ZDHHC3: variants seen among roughly 807,000 people sequenced by gnomAD.
ZDHHC3 encodes the protein zDHHC palmitoyltransferase 3.
A neutral mutation model predicts 30.6 loss-of-function variants in ZDHHC3; 9 were observed. That is an observed-to-expected ratio of 0.29 (90% CI 0.18 to 0.51). The LOEUF (loss-of-function observed/expected upper bound fraction) is 0.51. Ranked by LOEUF, ZDHHC3 falls within the 20% of genes least tolerant of loss-of-function variation. ZDHHC3 has a pLI of 0.97. For missense variants in ZDHHC3, 246 were observed against 384.2 expected, an observed-to-expected ratio of 0.64 and a Z score of 3.01; for synonymous variants, 136 against 140.2, an observed-to-expected ratio of 0.97 and a Z score of 0.21.
Position 44,922,001 on chromosome 3 carries a change from C to T in ZDHHC3, c.*4688G>A. On this transcript the variant is annotated 3_prime_UTR_variant, in exon 7 of 7. Coordinates refer to ENST00000424952, the MANE Select transcript of ZDHHC3 (RefSeq NM_001135179.2). ...CTGTGGGCCCAACAGAGCGGGATCC[C>T]TGGGGGCCACTCTGCTTTGCTACGG... The T allele has an allele frequency of 2.0e-6, 2 of 985,420 alleles. No homozygotes were observed. The highest frequency in any genetic ancestry group is 2.4e-6 in the Non-Finnish European group (2 of 829,926). 61.0% of individuals were successfully genotyped at this position (985,420 alleles called of 1,614,324 possible). A position where few individuals can be genotyped will look rare whatever the true frequency, so the allele number is the denominator to read the frequency against.
chr3:44,945,755 C>T (rs2125868672), intron 2 of ZDHHC3, among the ~76,000 whole-genome samples: 1 of 152,106 alleles, frequency 6.6e-6, no homozygotes, highest in East Asian at 1.9e-4. Context: ...GATGGGGTTT[C>T]ACCATGTTGG....
Position 44,924,733 on chromosome 3 carries a change from A to G in ZDHHC3, c.*1956T>C. 2.0e-6 allele frequency: 2 copies of G among 985,490 alleles called. No homozygotes were observed. The highest frequency in any genetic ancestry group is 2.4e-6 in the Non-Finnish European group (2 of 829,944). 61.0% of individuals were successfully genotyped at this position (985,490 alleles called of 1,614,324 possible). ...TAGCCCTGCTCTAGTTATTTAATAC[A>G]ATAACACTTCTTTCATACACCTAAC... On this transcript the variant is annotated 3_prime_UTR_variant, in exon 7 of 7. Transcript: ENST00000424952.
In ZDHHC3 at chr3:44,917,726, G is replaced by C; in HGVS notation, c.*8963C>G. 1.3e-6 allele frequency: 1 copy of C among 769,486 alleles called. No homozygotes were observed. The highest frequency in any genetic ancestry group is 1.8e-6 in the Non-Finnish European group (1 of 553,992). 47.7% of individuals were successfully genotyped at this position (769,486 alleles called of 1,614,324 possible). A position where few individuals can be genotyped will look rare whatever the true frequency, so the allele number is the denominator to read the frequency against. On this transcript the variant is annotated 3_prime_UTR_variant, in exon 7 of 7. Transcript: ENST00000424952. Reference sequence around the variant, plus strand: ...CAGCCTACTCCCGACCCCCAGACCTGGCCCAACATGGAGAGAAGAAGGAGG... The same window carrying C: ...CAGCCTACTCCCGACCCCCAGACCTCGCCCAACATGGAGAGAAGAAGGAGG...
At chr3:44,958,459 T>G in intron 2 of ZDHHC3, 1 of 825,464 alleles carries the variant, frequency 1.2e-6, no homozygotes, top group Non-Finnish European at 2.0e-6. Context: ...GCTTTTCCCA[T>G]ACAAGAAAAG....
At position 44,926,382 on chromosome 3, in the gene ZDHHC3, G is replaced by C; in HGVS notation, c.*307C>G. On this transcript the variant is annotated 3_prime_UTR_variant, in exon 7 of 7. Coordinates refer to ENST00000424952, the MANE Select transcript of ZDHHC3 (RefSeq NM_001135179.2). ...TCAGTTAGTAGAATGGGCACAGCGC[G>C]AGACAGCGCCCTCTACATTAGTCAT... is the stretch of plus-strand genomic sequence containing the variant. 2.8e-6 allele frequency: 3 copies of C among 1,085,738 alleles called. No individual in the cohort carries two copies. Among genetic ancestry groups the C allele is most frequent in the Non-Finnish European group, 3.4e-6 (3 of 895,168 alleles). 67.3% of individuals were successfully genotyped at this position (1,085,738 alleles called of 1,614,324 possible).
chr3:44,959,442 A>G lies in ZDHHC3; in HGVS notation c.-6T>C. 1.9e-6 allele frequency: 3 copies of G among 1,611,460 alleles called. No individual in the cohort carries two copies. The highest frequency in any genetic ancestry group is 2.5e-6 in the Non-Finnish European group (3 of 1,177,880). ...TGGGTGGGGATAAGCATCATAAGCTATTCTGTCCATACTGGCATCTGAAAG... is the reference window on the plus strand; with the variant it reads ...TGGGTGGGGATAAGCATCATAAGCTGTTCTGTCCATACTGGCATCTGAAAG... On this transcript the variant is annotated 5_prime_UTR_variant, in exon 2 of 7. The change abolishes the stop of an existing upstream ORF in the 5' untranslated region. Transcript: ENST00000424952. The surrounding 1 kb of genome is among the most constrained non-coding windows in gnomAD (Gnocchi z 4.3).
At chr3:44,943,405 A>T (rs1325585226) in intron 3 of ZDHHC3, among the ~76,000 whole-genome samples, 1 of 152,146 alleles carries the variant, frequency 6.6e-6, no homozygotes, top group African/African-American at 2.4e-5. Context: ...ATGAAAATAG[A>T]TGACTGACGC....
In ZDHHC3 at chr3:44,918,619, G is replaced by C; in HGVS notation, c.*8070C>G. The C allele has an allele frequency of 1.0e-6, 1 of 985,452 alleles. No homozygotes were observed. Among genetic ancestry groups the C allele is most frequent in the Middle Eastern group, 5.2e-4 (1 of 1,914 alleles). The allele number at this position is 985,452 out of a possible 1,614,324, so 61.0% of individuals were successfully genotyped here. ...CAGAAGGACGATGGGGTTAAGGAAG[G>C]AGTGCAGGACACAAACAGCATGCGA... On this transcript the variant is annotated 3_prime_UTR_variant, in exon 7 of 7. Coordinates refer to ENST00000424952, the MANE Select transcript of ZDHHC3 (RefSeq NM_001135179.2).
intron 2 of ZDHHC3, among the ~76,000 whole-genome samples, chr3:44,953,352 C>A (rs1703640727): frequency 6.6e-6 from 1 of 152,192 alleles, no homozygotes; most frequent in African/African-American, 2.4e-5. Flanking sequence ...TCTACCACCA[C>A]CAACTACCTC....
At chr3:44,972,858 A>G (rs1179712633) in intron 1 of ZDHHC3, among the ~76,000 whole-genome samples, 1 of 152,186 alleles carries the variant, frequency 6.6e-6, no homozygotes, top group African/African-American at 2.4e-5. Context: ...GCATGCAAAC[A>G]CACTGTCTGG....
chr3:44,919,280 G>T lies in ZDHHC3; in HGVS notation c.*7409C>A. The T allele has an allele frequency of 4.7e-6, 1 of 213,238 alleles. No homozygotes were observed. The highest frequency in any genetic ancestry group is 8.0e-6 in the Non-Finnish European group (1 of 124,414). 13.2% of individuals were successfully genotyped at this position (213,238 alleles called of 1,614,324 possible). ...ATCAACACCATATGCCTCCTGATAC[G>T]GTGCAACGAGGACACATTGCTTCAG... On this transcript the variant is annotated 3_prime_UTR_variant, in exon 7 of 7. Coordinates refer to ENST00000424952, the MANE Select transcript of ZDHHC3 (RefSeq NM_001135179.2).
chr3:44,968,098 T>C (rs1203016660), intron 1 of ZDHHC3, among the ~76,000 whole-genome samples: 1 of 151,956 alleles, frequency 6.6e-6, no homozygotes, highest in Non-Finnish European at 1.5e-5. Flanking sequence ...CTGCTTGCCG[T>C]CACAGACTGC....
In ZDHHC3 at chr3:44,926,671, C is replaced by T; in HGVS notation, c.*18G>A. Reference sequence around the variant, plus strand: ...TGGTGTGGACTTGTGTCTGAGTGGCCATGCCGGTCGGGGTCCTTCAGACCA... The same window carrying T: ...TGGTGTGGACTTGTGTCTGAGTGGCTATGCCGGTCGGGGTCCTTCAGACCA... On this transcript the variant is annotated 3_prime_UTR_variant, in exon 7 of 7. Transcript: ENST00000424952. 1 of 1,572,908 alleles carries T rather than the reference C, an allele frequency of 6.4e-7. No individual in the cohort carries two copies. The highest frequency in any genetic ancestry group is 2.3e-5 in the East Asian group (1 of 44,116).
At chr3:44,975,768 T>TCACACACACA (rs1392636735) in intron 1 of ZDHHC3, among the ~76,000 whole-genome samples, 165 bp downstream of exon 1, 8 of 140,878 alleles carry the variant, frequency 5.7e-5, no homozygotes, top group South Asian at 2.3e-4. Flanking sequence ...TCTCTCTCTC[T>TCACACACACA]CTCTCACACA....
chr3:44,952,382 G>A (rs1703542984), intron 2 of ZDHHC3, among the ~76,000 whole-genome samples: 1 of 152,100 alleles, frequency 6.6e-6, no homozygotes, highest in African/African-American at 2.4e-5. Flanking sequence ...GCATCTCCCA[G>A]GTCTTCCTGC....
chr3:44,967,004 T>C (rs757279275), intron 1 of ZDHHC3, among the ~76,000 whole-genome samples: 1 of 152,034 alleles, frequency 6.6e-6, no homozygotes, highest in Non-Finnish European at 1.5e-5. Context: ...TACCAACAAG[T>C]CTACACTGTT....
At chr3:44,938,803 T>C (rs1375070271) in intron 3 of ZDHHC3, among the ~76,000 whole-genome samples, 3 of 152,156 alleles carry the variant, frequency 2.0e-5, no homozygotes, top group African/African-American at 4.8e-5. Flanking sequence ...TTCCAGAACC[T>C]GGAAGCAAAG....
In ZDHHC3 at chr3:44,959,065, C is replaced by T; in HGVS notation, c.306+66G>A. The T allele has an allele frequency of 6.3e-7, 1 of 1,577,744 alleles. No individual in the cohort carries two copies. The highest frequency in any genetic ancestry group is 1.2e-5 in the South Asian group (1 of 86,252). ...CCAAGGTCCAGGGGGAACATGCAGG[C>T]TGTGGCCATGCCAGAGCCAGAGGAG... On this transcript the variant is annotated intron_variant, in intron 2 of 6. Coordinates refer to ENST00000424952, the MANE Select transcript of ZDHHC3 (RefSeq NM_001135179.2). This position sits in a 1 kb window ranked among gnomAD's most constrained non-coding sequence, Gnocchi z 4.3.
chr3:44,953,896 C>T (rs1161397610), intron 2 of ZDHHC3, among the ~76,000 whole-genome samples: 1 of 152,206 alleles, frequency 6.6e-6, no homozygotes, highest in Non-Finnish European at 1.5e-5. Flanking sequence ...ATGCACAAGG[C>T]GCTTCTCTGG....
Sources: allele counts gnomAD v4.1 joint callset (sites outside exome capture counted in the v4.1 genomes callset), GRCh38; gene constraint gnomAD v4.1.1; non-coding constraint Gnocchi (gnomAD v3.1); transcripts MANE v1.5; gene names NCBI Gene and HGNC (gene_info 2026-07-23, HGNC 2026-07-21).